HPN: variants seen among roughly 807,000 people sequenced by gnomAD.
HPN encodes the protein hepsin, also known as serine protease hepsin.
A neutral mutation model predicts 55.9 loss-of-function variants in HPN; 13 were observed. The observed-to-expected ratio is 0.23, with a 90% CI of 0.15 to 0.37. The LOEUF is 0.37. HPN is among the 10% of genes least tolerant of loss of function. HPN has a pLI of 1.00. For missense variants in HPN, 451 were observed against 575.8 expected, an observed-to-expected ratio of 0.78 and a Z score of 2.22; for synonymous variants, 225 against 240.3, an observed-to-expected ratio of 0.94 and a Z score of 0.59.
At chr19:35,059,570 C>T (rs899404840) in intron 4 of HPN, 103 bp from the exon 5 acceptor site, 8 of 1,446,628 alleles carry the variant, frequency 5.5e-6, no homozygotes, top group African/African-American at 1.4e-5. Context: ...TTCACGTCTA[C>T]ACCACATGGC....
At chr19:35,057,569 T>G (rs894616410) in intron 4 of HPN, among the ~76,000 whole-genome samples, 1 of 152,186 alleles carries the variant, frequency 6.6e-6, no homozygotes, top group Non-Finnish European at 1.5e-5. Flanking sequence ...CCAAAATGAT[T>G]AAATATTATT....
rs773449066 is a variant in HPN, at chr19:35,060,369, C to T, written c.477C>T (p.Pro159=). Residue 159 remains proline (P), a synonymous_variant, in exon 8 of 13, where the codon CCC becomes CCT. Transcript: ENST00000672452. ...ICQDCGRRKL[P]VDRIVGGRDT... ...CAGACTGTGGCCGCAGGAAGCTGCC[C>T]GTGGACCGCATCGTGGGAGGCCGGG... 1.8e-5 allele frequency: 29 copies of T among 1,612,110 alleles called. No homozygotes were observed. The highest frequency in any genetic ancestry group is 2.4e-5 in the Non-Finnish European group (28 of 1,179,878).
At position 35,060,789 on chromosome 19, in the gene HPN, C is replaced by T; in HGVS notation, c.783C>T (p.Val261=). ...AGAACAGCAACGATATTGCCCTGGTCCACCTCTCCAGTCCCCTGCCCCTCA... is the reference window on the plus strand; with the variant it reads ...AGAACAGCAACGATATTGCCCTGGTTCACCTCTCCAGTCCCCTGCCCCTCA... ...SEENSNDIAL[V]HLSSPLPLTE... Residue 261 remains valine, a synonymous_variant, in exon 9 of 13, where the codon GTC becomes GTT. Coordinates refer to ENST00000672452, the MANE Select transcript of HPN (RefSeq NM_001384133.1). 6.3e-7 allele frequency: 1 copy of T among 1,599,568 alleles called. No homozygotes were observed. Among genetic ancestry groups the T allele is most frequent in the Non-Finnish European group, 8.5e-7 (1 of 1,172,314 alleles).
intron 4 of HPN, among the ~76,000 whole-genome samples, chr19:35,054,237 G>A (rs1185772162): frequency 1.3e-5 from 2 of 152,144 alleles, no homozygotes; most frequent in Non-Finnish European, 2.9e-5. Context: ...GGCCAACATG[G>A]TGAAACGCTG....
At chr19:35,044,550 G>A (rs375133315) in intron 2 of HPN, among the ~76,000 whole-genome samples, 3 of 152,248 alleles carry the variant, frequency 2.0e-5, no homozygotes, top group African/African-American at 7.2e-5. Context: ...TGGCGCCAGT[G>A]GTTAGTCCCT....
intron 9 of HPN, 125 bp downstream of exon 9, chr19:35,060,942 G>C (rs1301865722): frequency 1.2e-6 from 1 of 827,208 alleles, no homozygotes; most frequent in Admixed American, 3.0e-5. Context: ...GAATGATCTC[G>C]AGGGAGCACA....
intron 12 of HPN, 107 bp from the exon 13 acceptor site, chr19:35,066,142 C>A: frequency 6.2e-7 from 1 of 1,612,554 alleles, no homozygotes; most frequent in South Asian, 1.1e-5. Context: ...TAGAAGAGGG[C>A]CCCCCTTGGG....
intron 4 of HPN, among the ~76,000 whole-genome samples, chr19:35,054,819 C>T (rs2151760832): frequency 6.6e-6 from 1 of 152,264 alleles, no homozygotes; most frequent in African/African-American, 2.4e-5. Flanking sequence ...GCCCCAGGAA[C>T]ACAGTAGGTC....
chr19:35,047,029 C>T (rs1347839756), intron 2 of HPN, among the ~76,000 whole-genome samples: 1 of 152,112 alleles, frequency 6.6e-6, no homozygotes, highest in Non-Finnish European at 1.5e-5. Flanking sequence ...GGGGTTTCAC[C>T]GTGTTAGCCA....
At chr19:35,061,696 A>G (rs1255546119) in intron 9 of HPN, among the ~76,000 whole-genome samples, 3 of 152,172 alleles carry the variant, frequency 2.0e-5, no homozygotes, top group African/African-American at 7.2e-5. Flanking sequence ...ATGCTACCAC[A>G]AGGATGAAAC....
chr19:35,046,095 T>C (rs2064339055), intron 2 of HPN, among the ~76,000 whole-genome samples: 1 of 151,456 alleles, frequency 6.6e-6, no homozygotes, highest in Non-Finnish European at 1.5e-5. Flanking sequence ...ACCTGGAGAG[T>C]GGTCCTGGGC....
Position 35,042,262 on chromosome 19 carries a change from C to T in HPN, c.-54-191C>T, listed in dbSNP as rs558716567. The T allele has an allele frequency of 1.0e-5, 14 of 1,346,130 alleles. No homozygotes were observed. In the South Asian group the frequency reaches 1.4e-4, roughly 14 times the overall value. The allele number at this position is 1,346,130 out of a possible 1,614,324, so 83.4% of individuals were successfully genotyped here. On this transcript the variant is annotated intron_variant, in intron 1 of 12. Transcript: ENST00000672452. ...GGGTCCCCATCCCTGCAAATCCAGG[C>T]GTCCCCCCGCTGCTGGTCAGACACT...
chr19:35,060,410 G>T lies in HPN; in HGVS notation c.518G>T (p.Arg173Leu). 1 of 1,613,072 alleles carries T rather than the reference G, an allele frequency of 6.2e-7. No homozygotes were observed. The highest frequency in any genetic ancestry group is 8.5e-7 in the Non-Finnish European group (1 of 1,179,954). ...IVGGRDTSLGRWPWQVSLRYD... is the reference protein window; with the variant it reads ...IVGGRDTSLGLWPWQVSLRYD... ...GGAGGCCGGGACACCAGCTTGGGCC[G>T]GTGGCCGTGGCAAGTCAGCCTTCGC... Residue 173 changes from arginine (R) to leucine (L), a missense_variant, in exon 8 of 13, where the codon CGG becomes CTG. Coordinates refer to ENST00000672452, the MANE Select transcript of HPN (RefSeq NM_001384133.1).
At chr19:35,048,261 G>T (rs1197182218) in intron 2 of HPN, among the ~76,000 whole-genome samples, 5 of 152,204 alleles carry the variant, frequency 3.3e-5, no homozygotes, top group Admixed American at 3.3e-4. Flanking sequence ...AGGGGACCTG[G>T]CATCAAACCT....
intron 9 of HPN, among the ~76,000 whole-genome samples, chr19:35,062,723 CA>C (rs951064700): frequency 3.3e-5 from 5 of 151,742 alleles, no homozygotes; most frequent in Admixed American, 1.3e-4. Context: ...TCTCTACAAA[CA>C]AAAAAAATTA....
intron 9 of HPN, 94 bp from the exon 10 acceptor site, chr19:35,065,156 A>C: frequency 2.6e-5 from 19 of 739,538 alleles, no homozygotes; most frequent in East Asian, 2.6e-5. Flanking sequence ...CAGAGAGGGC[A>C]GGGTGTGTTA....
chr19:35,041,137 C>A (rs565015798), upstream of HPN, among the ~76,000 whole-genome samples: 1 of 152,188 alleles, frequency 6.6e-6, no homozygotes, highest in Non-Finnish European at 1.5e-5. Flanking sequence ...CCCGGCCAAG[C>A]CCCCCATCCC....
At chr19:35,049,905 T>C (rs946129703) in intron 4 of HPN, among the ~76,000 whole-genome samples, 9 of 148,718 alleles carry the variant, frequency 6.1e-5, no homozygotes, top group Non-Finnish European at 1.0e-4. Context: ...TCCCACTGCA[T>C]CCCCACACTC....
chr19:35,059,718 C>G lies in HPN; in HGVS notation c.206C>G (p.Thr69Arg). The G allele has an allele frequency of 1.2e-6, 2 of 1,600,154 alleles. No individual in the cohort carries two copies. Among genetic ancestry groups the G allele is most frequent in the South Asian group, 2.3e-5 (2 of 88,588 alleles). ...ADARLMVFDK[T>R]EGTWRLLCSS... ...GCTCGGCTCATGGTCTTTGACAAGA[C>G]GGAAGGGACGTGGCGGCTGCTGTGC... The change falls in exon 5 of 13, where the codon ACG becomes AGG. Residue 69 changes from threonine to arginine, a missense_variant. Transcript: ENST00000672452.
Sources: gnomAD v4.1 joint callset for allele counts (sites outside exome capture counted in the v4.1 genomes callset) on GRCh38, gnomAD v4.1.1 for gene constraint, MANE v1.5 for transcripts, NCBI Gene and HGNC (gene_info 2026-07-23, HGNC 2026-07-21) for gene names.